The following ELAVL4 variants were observed in gnomAD, a reference collection of about 807,000 sequenced individuals.
ELAVL4 encodes the protein ELAV like RNA binding protein 4.
Under a neutral mutation model 35.6 loss-of-function variants are expected in ELAVL4, and 1 was observed. That is an observed-to-expected ratio of 0.03 (90% CI 0.01 to 0.13). ELAVL4 has a LOEUF of 0.13. Ranked by LOEUF, ELAVL4 falls within the 10% of genes least tolerant of loss-of-function variation. The pLI is 1.00. For synonymous variants in ELAVL4, 156 were observed against 171.0 expected, an observed-to-expected ratio of 0.91 and a Z score of 0.69; for missense variants, 267 against 464.9, an observed-to-expected ratio of 0.57 and a Z score of 3.91.
At chr1:50,099,285 G>A (rs1665852827), upstream of ELAVL4, among the ~76,000 whole-genome samples, 1 of 152,150 alleles carries the variant, frequency 6.6e-6, no homozygotes, top group Non-Finnish European at 1.5e-5. Context: ...AACTGGCTGG[G>A]TGCGGTGGCT....
chr1:50,114,833 G>A (rs1236047069), intron 1 of ELAVL4: 1 of 152,038 alleles, frequency 6.6e-6, no homozygotes, highest in African/African-American at 2.4e-5. Context: ...GAGCATCAGT[G>A]TTAGGAATTG....
intron 3 of ELAVL4, among the ~76,000 whole-genome samples, chr1:50,179,334 C>T (rs971093674): frequency 7.2e-5 from 11 of 152,124 alleles, no homozygotes; most frequent in Admixed American, 6.5e-4. Flanking sequence ...CTGGGGACTT[C>T]AGCCCTTTCA....
At position 50,085,960 on chromosome 1, in the gene ELAVL4, G is replaced by A. The variant is rs531866149; in HGVS notation, c.18+37778G>A. On this transcript the variant is annotated intron_variant, in intron 1 of 6. Transcript: ENST00000448907. ...AGGGTAGATGTTTTCCCACATGTTT[G>A]TTCACCAGTTGTAAGTCCTATTTGG... 2.6e-5 allele frequency among the ~76,000 whole-genome samples: 4 copies of A among 152,250 alleles called. No homozygotes were observed. The South Asian group carries it at 8.3e-4, about 32-fold the overall frequency.
intron 3 of ELAVL4, chr1:50,181,032 TA>T (rs1200123178): frequency 6.6e-6 from 1 of 152,162 alleles, no homozygotes; most frequent in Non-Finnish European, 1.5e-5. Flanking sequence ...GAGGTACTAT[TA>T]CCTCCTTTAT....
rs999420490 is a variant in ELAVL4, at chr1:50,183,955, C to T, written c.354+6763C>T. Among the ~76,000 whole-genome samples the T allele has an allele frequency of 4.5e-4, 68 of 152,200 alleles. No individual in the cohort carries two copies. In the Middle Eastern group the frequency reaches 0.01, roughly 23 times the overall value. On this transcript the variant is annotated intron_variant, in intron 3 of 6. Coordinates refer to ENST00000371824, the MANE Select transcript of ELAVL4 (RefSeq NM_001144774.3). The stretch of plus-strand genomic sequence containing the variant: ...CCATTACCGCTAGTCACAACCTGGG[C>T]GAGAATGCTTCTCTGCCAAGGTCAG...
Position 50,201,549 on chromosome 1 carries a change from C to T in ELAVL4, c.*371C>T, listed in dbSNP as rs915342335. The T allele has an allele frequency of 1.3e-5, 2 of 153,438 alleles. No individual in the cohort carries two copies. The highest frequency in any genetic ancestry group is 2.9e-5 in the Non-Finnish European group (2 of 69,348). 9.5% of individuals were successfully genotyped at this position (153,438 alleles called of 1,614,324 possible). A position where few individuals can be genotyped will look rare whatever the true frequency, so the allele number is the denominator to read the frequency against. On this transcript the variant is annotated 3_prime_UTR_variant, in exon 7 of 7. Coordinates refer to ENST00000371824, the MANE Select transcript of ELAVL4 (RefSeq NM_001144774.3). This position sits in a 1 kb window ranked among gnomAD's most constrained non-coding sequence, Gnocchi z 4.3. ...GGTGGATCTTTTTAAGATGACCATT[C>T]GCTCATTTGAAGAAGAAAAACAAAA...
At chr1:50,070,383 T>G (rs1026404102) in intron 1 of ELAVL4, among the ~76,000 whole-genome samples, 6 of 152,222 alleles carry the variant, frequency 3.9e-5, no homozygotes, top group Non-Finnish European at 2.9e-5. Context: ...ACTCCCTGCC[T>G]CATCATTTTC....
chr1:50,176,112 C>T (rs779688389), intron 2 of ELAVL4, among the ~76,000 whole-genome samples: 1 of 152,206 alleles, frequency 6.6e-6, no homozygotes, highest in Admixed American at 6.5e-5. Flanking sequence ...TATTTATAAT[C>T]AGTGGCACGA....
At position 50,193,957 on chromosome 1, in the gene ELAVL4, A is replaced by G. The variant is rs186661607; in HGVS notation, c.508+39A>G. 648 of 1,608,394 alleles carry G rather than the reference A, an allele frequency of 4.0e-4. 1 individual carries two copies. The African/African-American group carries it at 6.5e-3, about 16-fold the overall frequency. On this transcript the variant is annotated intron_variant, in intron 4 of 6. Transcript: ENST00000371824. ...TTGTAATTTCTTTCCTTGTATATCA[A>G]TGTCATCAGCCCTGTTACTCATAAG...
intron 1 of ELAVL4, among the ~76,000 whole-genome samples, chr1:50,049,864 TA>T (rs761185430): frequency 4.6e-5 from 7 of 152,208 alleles, no homozygotes; most frequent in Non-Finnish European, 7.3e-5. Flanking sequence ...TCATTAGTAT[TA>T]GCCTCTGAAA....
chr1:50,109,267 C>A (rs1666662216), intron 1 of ELAVL4, 69 bp downstream of exon 1: 3 of 1,516,700 alleles, frequency 2.0e-6, no homozygotes, highest in Non-Finnish European at 2.7e-6. Flanking sequence ...TACACCTTGA[C>A]CAGTCTTATG....
At chr1:50,189,457 G>C (rs1557857280) in intron 3 of ELAVL4, among the ~76,000 whole-genome samples, 1 of 152,250 alleles carries the variant, frequency 6.6e-6, no homozygotes, top group Non-Finnish European at 1.5e-5. Context: ...AAAGTGGAAA[G>C]TACTTTGTCG....
chr1:50,173,046 C>A (rs1217136881), intron 2 of ELAVL4, among the ~76,000 whole-genome samples: 1 of 152,098 alleles, frequency 6.6e-6, no homozygotes, highest in African/African-American at 2.4e-5. Flanking sequence ...CCAAACTTAC[C>A]AAACATTCTG....
At chr1:50,144,535 G>A (rs759354629) in intron 1 of ELAVL4, 15 of 483,230 alleles carry the variant, frequency 3.1e-5, no homozygotes, top group South Asian at 2.3e-4. Context: ...AACAGGTACT[G>A]TATTTGATCT....
intron 1 of ELAVL4, among the ~76,000 whole-genome samples, chr1:50,116,506 C>T (rs1667986264): frequency 6.6e-6 from 1 of 151,846 alleles, no homozygotes; most frequent in Admixed American, 6.6e-5. Flanking sequence ...TTCTAAAGTA[C>T]TCTGTGTTTT....
intron 3 of ELAVL4, among the ~76,000 whole-genome samples, chr1:50,177,551 T>G (rs1335172230): frequency 1.3e-5 from 2 of 152,200 alleles, no homozygotes; most frequent in Non-Finnish European, 2.9e-5. Flanking sequence ...AAACAGCACA[T>G]GCAAAGCTGT....
intron 2 of ELAVL4, among the ~76,000 whole-genome samples, chr1:50,164,369 G>A (rs539365179): frequency 1.3e-5 from 2 of 152,224 alleles, no homozygotes; most frequent in South Asian, 4.1e-4. Flanking sequence ...CCTTAAAAAA[G>A]CATTATTAGA....
At chr1:50,072,563 A>T (rs545419018) in intron 1 of ELAVL4, among the ~76,000 whole-genome samples, 5 of 152,144 alleles carry the variant, frequency 3.3e-5, no homozygotes, top group African/African-American at 4.8e-5. Context: ...AGCTATGGAC[A>T]AATAACTCTC....
intron 2 of ELAVL4, among the ~76,000 whole-genome samples, chr1:50,164,278 T>C (rs1344909673): frequency 6.6e-6 from 1 of 152,172 alleles, no homozygotes; most frequent in East Asian, 1.9e-4. Context: ...TGCTCTAGCA[T>C]CCTCAGACAA....
Sources: allele counts gnomAD v4.1 joint callset (sites outside exome capture counted in the v4.1 genomes callset), GRCh38; gene constraint gnomAD v4.1.1; non-coding constraint Gnocchi (gnomAD v3.1); transcripts MANE v1.5; gene names NCBI Gene and HGNC (gene_info 2026-07-23, HGNC 2026-07-21).